The following PAM16 variants were observed in gnomAD, a reference collection of about 807,000 sequenced individuals.
PAM16 encodes the protein mitochondrial import inner membrane translocase subunit TIM16.
In PAM16, 11 loss-of-function variants were observed where a neutral mutation model predicts 17.9. The ratio of observed to expected loss-of-function variants is 0.62; its 90% CI spans 0.39 to 1.02. PAM16 has a LOEUF of 1.02. PAM16 is among the 50% of genes least tolerant of loss of function. The pLI is 0.01. For missense variants in PAM16, 199 were observed against 165.4 expected, an observed-to-expected ratio of 1.20 and a Z score of -1.11; for synonymous variants, 72 against 67.4, an observed-to-expected ratio of 1.07 and a Z score of -0.34.
chr16:4,347,554 C>G (rs1166446960), intron 1 of PAM16: 1 of 152,418 alleles, frequency 6.6e-6, no homozygotes. Flanking sequence ...AGCGGCAGGT[C>G]CAGAACTAGG....
chr16:4,343,673 T>G (rs2053687429), intron 1 of PAM16: 1 of 730,402 alleles, frequency 1.4e-6, no homozygotes. Flanking sequence ...CTCTCGACCC[T>G]GGGGCCGACC....
In PAM16 at chr16:4,340,417, C is replaced by A. The variant is rs200459458; in HGVS notation, c.292-12G>T. The A allele has an allele frequency of 6.2e-7, 1 of 1,609,016 alleles. No homozygotes were observed. The highest frequency in any genetic ancestry group is 8.5e-7 in the Non-Finnish European group (1 of 1,178,396). ...TTTGCGCGGACCACCTAGTGGGTCA[C>A]GGATAATCAGGCCGGGAGGCCAAGC... On this transcript the variant is annotated splice_polypyrimidine_tract_variant and intron_variant, in intron 4 of 4. Transcript: ENST00000318059.
Position 4,351,297 on chromosome 16 carries a change from C to T in PAM16, c.-63G>A. On this transcript the variant is annotated 5_prime_UTR_variant, in exon 1 of 5. Coordinates refer to ENST00000318059, the MANE Select transcript of PAM16 (RefSeq NM_016069.11). ...CCTGGCCCCGCGGCCGGGGATCAAG[C>T]GTGGTCGGCGGGTCAGAGGTCAAGG... 7.4e-7 allele frequency: 1 copy of T among 1,357,404 alleles called. No individual in the cohort carries two copies. The highest frequency in any genetic ancestry group is 1.7e-5 in the South Asian group (1 of 57,676). The allele number at this position is 1,357,404 out of a possible 1,614,324, so 84.1% of individuals were successfully genotyped here.
At chr16:4,343,650 T>C in intron 1 of PAM16, 2 of 1,035,244 alleles carry the variant, frequency 1.9e-6, no homozygotes, top group Non-Finnish European at 2.6e-6. Context: ...GCCCTGGACC[T>C]GGCAGTAACT....
At chr16:4,346,051 G>T (rs997940922) in intron 1 of PAM16, 20 of 850,740 alleles carry the variant, frequency 2.4e-5, no homozygotes, top group Non-Finnish European at 2.8e-5. Context: ...CATAACTGGG[G>T]AGCTTCCCCG....
chr16:4,341,706 G>A, intron 2 of PAM16: 1 of 852,510 alleles, frequency 1.2e-6, no homozygotes, highest in South Asian at 1.8e-5. Flanking sequence ...CCTCACTGGA[G>A]GGTAAGGGCA....
intron 1 of PAM16, chr16:4,343,687 A>C: frequency 1.7e-6 from 1 of 593,634 alleles, no homozygotes; most frequent in Non-Finnish European, 2.5e-6. Flanking sequence ...GCCGACCATC[A>C]CTCTTCCTGA....
chr16:4,348,990 T>C (rs1331675477), intron 1 of PAM16, among the ~76,000 whole-genome samples: 1 of 134,632 alleles, frequency 7.4e-6, no homozygotes, highest in African/African-American at 2.8e-5. Context: ...AGTCTTGCTC[T>C]GTCACCCAGG....
intron 3 of PAM16, 29 bp from the exon 4 acceptor site, chr16:4,341,014 G>T: frequency 6.2e-7 from 1 of 1,612,286 alleles, no homozygotes; most frequent in African/African-American, 1.3e-5. Context: ...GGGTGAGAGG[G>T]CTGCAGACTG....
chr16:4,350,943 C>CT (rs1236286491), intron 1 of PAM16: 3 of 291,360 alleles, frequency 1.0e-5, no homozygotes, highest in Non-Finnish European at 1.9e-5. Context: ...ACCAGCCAGA[C>CT]TCATGCTCCA....
At chr16:4,349,164 C>A (rs2053807645) in intron 1 of PAM16, among the ~76,000 whole-genome samples, 1 of 151,810 alleles carries the variant, frequency 6.6e-6, no homozygotes, top group South Asian at 2.1e-4. Context: ...ACCATGTTAG[C>A]CAGGATGGTC....
At chr16:4,347,547 G>A (rs772773577) in intron 1 of PAM16, 6 of 152,318 alleles carry the variant, frequency 3.9e-5, no homozygotes, top group Non-Finnish European at 7.3e-5. Context: ...GACAAACAGC[G>A]GCAGGTCCAG....
intron 1 of PAM16, chr16:4,345,363 C>G (rs1239899752): frequency 6.6e-6 from 1 of 152,070 alleles, no homozygotes; most frequent in Non-Finnish European, 1.5e-5. Flanking sequence ...GACGTAACAG[C>G]AGGTGCCTCG....
intron 3 of PAM16, 132 bp from the exon 4 acceptor site, chr16:4,341,117 C>T: frequency 7.8e-7 from 1 of 1,282,820 alleles, no homozygotes; most frequent in Non-Finnish European, 1.1e-6. Flanking sequence ...GCTGTTGTGG[C>T]CACTGAGAGG....
chr16:4,341,169 A>C (rs2053639381), intron 3 of PAM16, among the ~76,000 whole-genome samples, 184 bp from the exon 4 acceptor site: 1 of 152,168 alleles, frequency 6.6e-6, no homozygotes, highest in Non-Finnish European at 1.5e-5. Flanking sequence ...CTGAGCTGCT[A>C]CTGGAAGGCA....
chr16:4,340,555 CG>C, intron 4 of PAM16, 150 bp from the exon 5 acceptor site: 1 of 867,140 alleles, frequency 1.2e-6, no homozygotes, highest in Non-Finnish European at 1.7e-6. Context: ...ACCCCAGGGT[CG>C]GGGTGGCCTG....
chr16:4,349,036 A>G (rs1226519243), intron 1 of PAM16, among the ~76,000 whole-genome samples: 8 of 135,900 alleles, frequency 5.9e-5, no homozygotes, highest in South Asian at 2.4e-4. Context: ...GCTCACTGCA[A>G]GCTCGGCCTC....
At chr16:4,349,451 C>G (rs1412842247) in intron 1 of PAM16, among the ~76,000 whole-genome samples, 2 of 152,198 alleles carry the variant, frequency 1.3e-5, no homozygotes, top group African/African-American at 4.8e-5. Context: ...GCCTGTTGTC[C>G]CAACTACCCG....
At chr16:4,342,624 A>G (rs1175206238) in intron 2 of PAM16, among the ~76,000 whole-genome samples, 1 of 152,006 alleles carries the variant, frequency 6.6e-6, no homozygotes, top group East Asian at 1.9e-4. Context: ...ATTGCACTCC[A>G]GCCTGGGCAA....
Sources: gnomAD v4.1 joint callset for allele counts (sites outside exome capture counted in the v4.1 genomes callset) on GRCh38, gnomAD v4.1.1 for gene constraint, MANE v1.5 for transcripts, NCBI Gene and HGNC (gene_info 2026-07-23, HGNC 2026-07-21) for gene names.